GLG1: variants seen among roughly 807,000 people sequenced by gnomAD.
The protein encoded by GLG1 is Golgi apparatus protein 1.
GLG1 carries 38 observed loss-of-function variants against 160.5 expected under a neutral mutation model. The ratio of observed to expected loss-of-function variants is 0.24; its 90% CI spans 0.18 to 0.31. GLG1 has a LOEUF of 0.31. GLG1 is among the 10% of genes least tolerant of loss of function. The pLI is 1.00. For missense variants in GLG1, 1,373 were observed against 1,505.2 expected (o/e 0.91, Z 1.45); for synonymous variants, 644 against 543.4 (o/e 1.19, Z -2.57).
intron 10 of GLG1, among the ~76,000 whole-genome samples, chr16:74,482,775 T>G (rs2015649916): frequency 6.6e-6 from 1 of 152,208 alleles, no homozygotes; most frequent in African/African-American, 2.4e-5. Flanking sequence ...CAGAAACATT[T>G]TGACCCTGAC....
rs928703955 is a variant in GLG1, at chr16:74,470,071, C to A, written c.2232G>T (p.Val744=). The change falls in exon 16 of 26, where the codon GTG becomes GTT. Residue 744 remains valine, a splice_region_variant and synonymous_variant. Coordinates refer to ENST00000422840, the MANE Select transcript of GLG1 (RefSeq NM_001145667.2). ...CAIGVTHFQL[V]QMKDFRFSYK... Reference sequence around the variant, plus strand: ...AAGAAAACCGAAAATCCTTCATCTGCACCTGAAAGGTAAAGAGAAAGAAAG... The same window carrying A: ...AAGAAAACCGAAAATCCTTCATCTGAACCTGAAAGGTAAAGAGAAAGAAAG... The A allele has an allele frequency of 1.3e-6, 2 of 1,588,026 alleles. No individual in the cohort carries two copies. The highest frequency in any genetic ancestry group is 4.5e-5 in the East Asian group (2 of 44,762).
intron 1 of GLG1, among the ~76,000 whole-genome samples, chr16:74,579,977 C>T (rs941574853): frequency 1.4e-4 from 21 of 151,168 alleles, no homozygotes; most frequent in Non-Finnish European, 2.7e-4. Context: ...GCAGGAGAAT[C>T]GCTTGAACCT....
At position 74,508,905 on chromosome 16, in the gene GLG1, C is replaced by G. The variant is rs746091008; in HGVS notation, c.492G>C (p.Leu164=). 30 of 1,470,266 alleles carry G rather than the reference C, an allele frequency of 2.0e-5. No homozygotes were observed. Among genetic ancestry groups the G allele is most frequent in the Non-Finnish European group, 3.8e-6 (4 of 1,052,344 alleles). 91.1% of individuals were successfully genotyped at this position (1,470,266 alleles called of 1,614,324 possible). ...DCNHLLWNYK[L]NLTTDPKFES... ...CAAATTTGGGATCTGTAGTTAGGTT[C>G]AGCTTATAATTCCACAACAACTAGA... is the stretch of plus-strand genomic sequence containing the variant. Residue 164 remains leucine (L), a synonymous_variant, in exon 3 of 26, where the codon CTG becomes CTC. Coordinates refer to ENST00000422840, the MANE Select transcript of GLG1 (RefSeq NM_001145667.2).
intron 23 of GLG1, among the ~76,000 whole-genome samples, chr16:74,459,094 G>C (rs550270877): frequency 6.6e-6 from 1 of 152,278 alleles, no homozygotes; most frequent in East Asian, 1.9e-4. Context: ...AAAATATACG[G>C]ATCTAGCTTT....
chr16:74,468,965 C>A lies in GLG1; in HGVS notation c.2417G>T (p.Arg806Leu). Residue 806 changes from arginine to leucine, a missense_variant, in exon 17 of 26, where the codon CGT (arginine) becomes CTT (leucine). Arg to Leu is a moderately radical substitution (Grantham distance 102). Transcript: ENST00000422840. ...CATTACCATCTCCAGCTCCTCCACA[C>A]GGAGCTGCCTGCGGCACTTCAGGGA... is the stretch of plus-strand genomic sequence containing the variant. ...RVSLKCRRQL[R>L]VEELEMTEDI... The A allele has an allele frequency of 6.2e-7, 1 of 1,601,684 alleles. No individual in the cohort carries two copies.
chr16:74,527,868 A>G (rs1275220929), intron 2 of GLG1, among the ~76,000 whole-genome samples: 2 of 144,366 alleles, frequency 1.4e-5, no homozygotes, highest in Non-Finnish European at 3.0e-5. Context: ...ATGGGATTAC[A>G]GGTGCGGTGG....
In GLG1 at chr16:74,462,589, C is replaced by A. The variant is rs2014845272; in HGVS notation, c.2833G>T (p.Asp945Tyr). 3 of 1,614,014 alleles carry A rather than the reference C, an allele frequency of 1.9e-6. No individual in the cohort carries two copies. The highest frequency in any genetic ancestry group is 2.5e-6 in the Non-Finnish European group (3 of 1,179,878). ...NPMLRKACKA[D>Y]IPKFCHGILT... ...ATACCGTGACAGAATTTAGGAATGT[C>A]AGCTTTACAGGCTTTTCTTAACATG... The change falls in exon 21 of 26, where the codon GAC becomes TAC. Residue 945 changes from aspartate (D) to tyrosine (Y), a missense_variant. This residue lies in a region of GLG1 where 491 missense variants were observed against 632.1 expected (regional missense o/e 0.78). Coordinates refer to ENST00000422840, the MANE Select transcript of GLG1 (RefSeq NM_001145667.2).
chr16:74,464,970 C>T lies in GLG1; in HGVS notation c.2667+706G>A, dbSNP rs181916065. ...TCTCTTGCCTCAGCCTCCTGAATAG[C>T]TGGGACTACAGGCATGTGCCACCAC... On this transcript the variant is annotated intron_variant, in intron 19 of 25. Coordinates refer to ENST00000422840, the MANE Select transcript of GLG1 (RefSeq NM_001145667.2). Among the ~76,000 whole-genome samples, 47 of 152,284 alleles carry T rather than the reference C, an allele frequency of 3.1e-4. No homozygotes were observed. The East Asian group carries it at 8.7e-3, about 28-fold the overall frequency.
chr16:74,600,411 G>C (rs76881401), intron 1 of GLG1, among the ~76,000 whole-genome samples: 4 of 151,614 alleles, frequency 2.6e-5, no homozygotes, highest in Admixed American at 6.6e-5. Context: ...AAAAGAACAA[G>C]GACAAAGCTA....
rs2017805066 is a variant in GLG1 at position 74,540,060 on chromosome 16, ATATATATATATTATATATATTT to A, written c.439-7929_439-7908del. 2.4e-3 allele frequency among the ~76,000 whole-genome samples: 3 copies of A among 1,248 alleles called. 1 individual carries two copies. Among genetic ancestry groups the A allele is most frequent in the African/African-American group, 4.2e-3 (3 of 712 alleles). The allele number at this position is 1,248 out of a possible 152,430, so 0.8% of individuals were successfully genotyped here. A position where few individuals can be genotyped will look rare whatever the true frequency, so the allele number is the denominator to read the frequency against. On this transcript the variant is annotated intron_variant, in intron 1 of 25. Coordinates refer to ENST00000422840, the MANE Select transcript of GLG1 (RefSeq NM_001145667.2). Reference sequence around the variant, plus strand: ...TTTATATATATATTATATATATTTTATATATATATATTATATATATTTTATATATATATTATATATATTTTAT... The same window carrying A: ...TTTATATATATATTATATATATTTTATATATATATATTATATATATTTTAT...
rs79460133 is a variant in GLG1, at chr16:74,572,784, T to C, written c.438+33873A>G. The stretch of plus-strand genomic sequence containing the variant: ...CTAGCAAATTCACTGAACCCAAGGA[T>C]AGTGAGGGGTGGGAGGGGGTGGTGC... On this transcript the variant is annotated intron_variant, in intron 1 of 25. Coordinates refer to ENST00000422840, the MANE Select transcript of GLG1 (RefSeq NM_001145667.2). 1.4e-4 allele frequency among the ~76,000 whole-genome samples: 21 copies of C among 152,146 alleles called. No individual in the cohort carries two copies. The East Asian group carries it at 3.9e-3, about 28-fold the overall frequency.
intron 6 of GLG1, among the ~76,000 whole-genome samples, chr16:74,493,595 T>C (rs1026747331): frequency 1.3e-5 from 2 of 152,210 alleles, no homozygotes; most frequent in African/African-American, 2.4e-5. Context: ...TTGAATAAGA[T>C]TGTTCAAATG....
At chr16:74,553,511 C>A (rs1305740110) in intron 1 of GLG1, among the ~76,000 whole-genome samples, 18 of 133,700 alleles carry the variant, frequency 1.3e-4, no homozygotes, top group Non-Finnish European at 2.5e-4. Flanking sequence ...CTCGCTCTGT[C>A]GCCCAGGCTG....
At chr16:74,554,815 T>C (rs1218160193) in intron 1 of GLG1, among the ~76,000 whole-genome samples, 1 of 152,168 alleles carries the variant, frequency 6.6e-6, no homozygotes, top group African/African-American at 2.4e-5. Context: ...ACAGTGGACC[T>C]ACTGACAGAT....
intron 1 of GLG1, among the ~76,000 whole-genome samples, chr16:74,606,414 G>A (rs914330083): frequency 9.9e-5 from 15 of 152,192 alleles, no homozygotes; most frequent in Admixed American, 3.9e-4. Flanking sequence ...TTGCGGCCAG[G>A]AGCCCAGGTT....
chr16:74,514,128 T>C (rs1163294351), intron 2 of GLG1, among the ~76,000 whole-genome samples: 1 of 152,012 alleles, frequency 6.6e-6, no homozygotes. Context: ...CTCCAAGAAA[T>C]ATGGCACTAT....
intron 15 of GLG1, among the ~76,000 whole-genome samples, chr16:74,470,966 A>C (rs1186199946): frequency 6.6e-6 from 1 of 151,836 alleles, no homozygotes; most frequent in Non-Finnish European, 1.5e-5. Flanking sequence ...CATGTTGCTC[A>C]GGTTGGTCTT....
At chr16:74,563,739 A>G (rs910044251) in intron 1 of GLG1, among the ~76,000 whole-genome samples, 2 of 151,642 alleles carry the variant, frequency 1.3e-5, no homozygotes, top group Non-Finnish European at 2.9e-5. Flanking sequence ...AAAAAAAAAA[A>G]AGAAAGAAAA....
At chr16:74,466,742 CA>C (rs1439832327) in intron 18 of GLG1, among the ~76,000 whole-genome samples, 3 of 152,046 alleles carry the variant, frequency 2.0e-5, no homozygotes, top group Non-Finnish European at 4.4e-5. Flanking sequence ...AAATGAAAAA[CA>C]AAACTTGATT....
Sources: allele counts gnomAD v4.1 joint callset (sites outside exome capture counted in the v4.1 genomes callset), GRCh38; gene constraint gnomAD v4.1.1; regional missense constraint gnomAD v4.1.1; transcripts MANE v1.5; gene names NCBI Gene and HGNC (gene_info 2026-07-23, HGNC 2026-07-21).